Variants in MAGI2 observed in about 807,000 individuals in gnomAD.
MAGI2 encodes membrane associated guanylate kinase, WW and PDZ domain containing 2.
MAGI2 carries 35 observed loss-of-function variants against 133.3 expected under a neutral mutation model. The observed-to-expected ratio is 0.26, with a 90% CI of 0.20 to 0.35. The LOEUF is 0.35. MAGI2 is among the 10% of genes least tolerant of loss of function. The pLI is 1.00. For synonymous variants in MAGI2, 729 were observed against 710.6 expected (o/e 1.03, Z -0.41); for missense variants, 1,636 against 1,863.4 (o/e 0.88, Z 2.25).
chr7:78,501,783 G>A lies in MAGI2; in HGVS notation c.759C>T (p.Ser253=). ...NGNGVVVTPE[S]SEHEDKSAGA... ...CTGCACTTTTGTCTTCATGTTCACT[G>A]GATTCTATAAGAGAACAAGAGCACG... The change falls in exon 5 of 22, where the codon TCC becomes TCT. Residue 253 remains serine, a synonymous_variant. Coordinates refer to ENST00000354212, the MANE Select transcript of MAGI2 (RefSeq NM_012301.4). The A allele has an allele frequency of 6.2e-7, 1 of 1,612,568 alleles. No homozygotes were observed. Among genetic ancestry groups the A allele is most frequent in the Non-Finnish European group, 8.5e-7 (1 of 1,179,314 alleles).
chr7:78,293,629 T>C (rs1796942512), intron 9 of MAGI2, among the ~76,000 whole-genome samples: 1 of 152,188 alleles, frequency 6.6e-6, no homozygotes, highest in Admixed American at 6.5e-5. Flanking sequence ...TAAAGACACA[T>C]GCCCACGTGT....
intron 2 of MAGI2, among the ~76,000 whole-genome samples, chr7:78,659,424 C>CAAAAAAAAAAAAA (rs71085553): frequency 1.3e-4 from 3 of 23,678 alleles, no homozygotes; most frequent in Non-Finnish European, 2.1e-4. Flanking sequence ...GACTTCATCT[C>CAAAAAAAAAAAAA]AAAAAAAAAA....
In MAGI2 at chr7:78,575,260, T is replaced by G. The variant is rs138905477; in HGVS notation, c.538+51860A>C. ...TAGCAACCAAAAAATAATAAAGTAT[T>G]GGATTATAGCCAAAGTATAAAATAT... On this transcript the variant is annotated intron_variant, in intron 3 of 21. Transcript: ENST00000354212. Among the ~76,000 whole-genome samples, 1,004 of 152,208 alleles carry G rather than the reference T, an allele frequency of 6.6e-3. 6 individuals are homozygous for G. Among genetic ancestry groups the G allele is most frequent in the Non-Finnish European group, 0.011 (755 of 68,012 alleles).
At chr7:79,284,772 A>G (rs1835885479) in intron 1 of MAGI2, among the ~76,000 whole-genome samples, 1 of 151,860 alleles carries the variant, frequency 6.6e-6, no homozygotes, top group Non-Finnish European at 1.5e-5. Flanking sequence ...ATACAAACAT[A>G]TGTTTGCCCC....
At chr7:78,537,186 C>T (rs1798028334) in intron 3 of MAGI2, among the ~76,000 whole-genome samples, 1 of 151,674 alleles carries the variant, frequency 6.6e-6, no homozygotes, top group Admixed American at 6.6e-5. Context: ...CACACACACA[C>T]ACACACACAC....
At chr7:79,435,159 T>C (rs943039473) in intron 1 of MAGI2, among the ~76,000 whole-genome samples, 1 of 152,204 alleles carries the variant, frequency 6.6e-6, no homozygotes, top group Non-Finnish European at 1.5e-5. Context: ...AACTATCAGT[T>C]AATCTTAGTT....
chr7:78,559,031 G>A (rs1800118249), intron 3 of MAGI2, among the ~76,000 whole-genome samples: 3 of 148,568 alleles, frequency 2.0e-5, no homozygotes, highest in Admixed American at 1.4e-4. Context: ...AGTGTTCTCT[G>A]GTAATAGAGG....
intron 9 of MAGI2, among the ~76,000 whole-genome samples, chr7:78,298,510 C>CTGT (rs1259483293): frequency 1.3e-5 from 2 of 152,126 alleles, no homozygotes; most frequent in Admixed American, 6.6e-5. Flanking sequence ...AAATCCAAAA[C>CTGT]TGTTATTGTG....
intron 9 of MAGI2, among the ~76,000 whole-genome samples, chr7:78,284,473 GA>G (rs1795953123): frequency 7.0e-6 from 1 of 142,934 alleles, no homozygotes; most frequent in Admixed American, 7.2e-5. Context: ...TTTAAAATAA[GA>G]ATCCTTCATT....
At chr7:78,633,272 C>T (rs185548076) in intron 2 of MAGI2, among the ~76,000 whole-genome samples, 2 of 151,468 alleles carry the variant, frequency 1.3e-5, no homozygotes, top group East Asian at 3.9e-4. Flanking sequence ...GGACGAGGGA[C>T]AGGAGCAAAA....
chr7:79,399,833 A>G (rs185640852), intron 1 of MAGI2, among the ~76,000 whole-genome samples: 1 of 152,318 alleles, frequency 6.6e-6, no homozygotes, highest in Non-Finnish European at 1.5e-5. Context: ...GGTAAAGATT[A>G]ATAGATCAAA....
intron 15 of MAGI2, among the ~76,000 whole-genome samples, chr7:78,164,965 C>T (rs1372395537): frequency 6.6e-6 from 1 of 152,158 alleles, no homozygotes; most frequent in Non-Finnish European, 1.5e-5. Context: ...AATACTGGAG[C>T]TGGAGGCATG....
At chr7:78,034,599 C>T (rs1487446515) in intron 21 of MAGI2, among the ~76,000 whole-genome samples, 1 of 152,082 alleles carries the variant, frequency 6.6e-6, no homozygotes, top group Non-Finnish European at 1.5e-5. Flanking sequence ...GTGATCTTGC[C>T]TCACTGCAAC....
At chr7:78,830,522 T>C (rs1056898049) in intron 2 of MAGI2, among the ~76,000 whole-genome samples, 3 of 152,314 alleles carry the variant, frequency 2.0e-5, no homozygotes, top group East Asian at 1.9e-4. Flanking sequence ...AATTTTAAAA[T>C]TTGCTCATAT....
At chr7:78,852,638 TA>T (rs1293087285) in intron 2 of MAGI2, among the ~76,000 whole-genome samples, 1 of 152,174 alleles carries the variant, frequency 6.6e-6, no homozygotes, top group Non-Finnish European at 1.5e-5. Flanking sequence ...AACACAACAC[TA>T]ATCTACAAAG....
intron 1 of MAGI2, among the ~76,000 whole-genome samples, chr7:79,444,997 C>T (rs1848744194): frequency 6.6e-6 from 1 of 152,144 alleles, no homozygotes; most frequent in Non-Finnish European, 1.5e-5. Flanking sequence ...ACAGAGCCCT[C>T]AGAAATAATG....
At chr7:78,511,416 A>G (rs900281358) in intron 4 of MAGI2, among the ~76,000 whole-genome samples, 3 of 151,822 alleles carry the variant, frequency 2.0e-5, no homozygotes, top group Non-Finnish European at 2.9e-5. Flanking sequence ...TTATTGCTCA[A>G]AGAATGCTCT....
intron 7 of MAGI2, among the ~76,000 whole-genome samples, chr7:78,363,511 G>GATAATAATAATAATAATA (rs10570471): frequency 6.8e-6 from 1 of 147,794 alleles, no homozygotes; most frequent in African/African-American, 2.5e-5. Flanking sequence ...TAATAATAAT[G>GATAATAATAATAATAATA]ATAATAATAA....
chr7:78,132,735 AAC>A (rs1480977421), intron 18 of MAGI2, among the ~76,000 whole-genome samples, 152 bp downstream of exon 18: 2 of 152,336 alleles, frequency 1.3e-5, no homozygotes, highest in Admixed American at 1.3e-4. Context: ...CCATATCTAT[AAC>A]ACACACAACC....
Sources: gnomAD v4.1 joint callset for allele counts (sites outside exome capture counted in the v4.1 genomes callset) on GRCh38, gnomAD v4.1.1 for gene constraint, MANE v1.5 for transcripts, NCBI Gene and HGNC (gene_info 2026-07-23, HGNC 2026-07-21) for gene names.